Variants in UVRAG observed in about 807,000 individuals in gnomAD.
UVRAG encodes UV radiation resistance associated, also known as UV radiation resistance-associated gene protein.
In UVRAG, 19 loss-of-function variants were observed where a neutral mutation model predicts 78.0. The observed-to-expected ratio is 0.24, with a 90% CI of 0.17 to 0.36. UVRAG has a LOEUF of 0.36. Among genes scored for constraint, UVRAG ranks in the 10% least tolerant of loss-of-function variants. UVRAG has a pLI of 1.00. For synonymous variants in UVRAG, 323 were observed against 324.6 expected (o/e 1.00, Z 0.05); for missense variants, 740 against 853.8 (o/e 0.87, Z 1.66).
At chr11:75,960,229 A>G (rs562907188) in intron 6 of UVRAG, among the ~76,000 whole-genome samples, 1 of 143,476 alleles carries the variant, frequency 7.0e-6, no homozygotes, top group South Asian at 2.2e-4. Context: ...TCTTTTTTTT[A>G]AATATCTATG....
At position 75,851,955 on chromosome 11, in the gene UVRAG, A is replaced by G. The variant is rs1372109822; in HGVS notation, c.190A>G (p.Thr64Ala). ...VNRNGHQLLD[T>A]YFTLHLCSTE... ...TAGAAATGGCCATCAGCTCCTTGAT[A>G]CCTACTTTACACTTCACTTGTGTAG... Residue 64 changes from threonine to alanine, a missense_variant, in exon 2 of 15, where the codon ACC becomes GCC. Coordinates refer to ENST00000356136, the MANE Select transcript of UVRAG (RefSeq NM_003369.4). 2 of 1,614,052 alleles carry G rather than the reference A, an allele frequency of 1.2e-6. No homozygotes were observed. The highest frequency in any genetic ancestry group is 1.7e-5 in the Admixed American group (1 of 60,016).
chr11:76,115,895 T>C (rs369198320), intron 13 of UVRAG, 29 bp from the exon 14 acceptor site: 53 of 1,605,936 alleles, frequency 3.3e-5, no homozygotes, highest in Middle Eastern at 1.7e-4. Flanking sequence ...TGCCAAAATA[T>C]CTTTAATTCT....
At chr11:75,891,002 C>T (rs1443422581) in intron 5 of UVRAG, among the ~76,000 whole-genome samples, 1 of 151,812 alleles carries the variant, frequency 6.6e-6, no homozygotes, top group East Asian at 1.9e-4. Context: ...AATAGGAGGA[C>T]CAAAAATTGC....
intron 13 of UVRAG, among the ~76,000 whole-genome samples, chr11:76,096,744 C>T (rs150057220): frequency 6.6e-6 from 1 of 152,152 alleles, no homozygotes; most frequent in African/African-American, 2.4e-5. Context: ...TCAGATTTTG[C>T]CACCAGAGCC....
intron 12 of UVRAG, among the ~76,000 whole-genome samples, chr11:76,064,129 G>A (rs1335787476): frequency 2.0e-5 from 3 of 152,186 alleles, no homozygotes; most frequent in Non-Finnish European, 4.4e-5. Context: ...TAGGAATGTT[G>A]AAGCTTGGTT....
chr11:76,124,420 C>T (rs1952347664), intron 14 of UVRAG, among the ~76,000 whole-genome samples: 1 of 152,146 alleles, frequency 6.6e-6, no homozygotes, highest in Non-Finnish European at 1.5e-5. Flanking sequence ...ATACATTGTT[C>T]ACTCTCGCTG....
At chr11:76,055,369 A>G (rs1950961339) in intron 12 of UVRAG, among the ~76,000 whole-genome samples, 1 of 152,164 alleles carries the variant, frequency 6.6e-6, no homozygotes, top group Non-Finnish European at 1.5e-5. Flanking sequence ...ATTATTTACT[A>G]TTAGCTAAAC....
chr11:76,085,824 T>G (rs1591219879), intron 13 of UVRAG, among the ~76,000 whole-genome samples: 1 of 152,196 alleles, frequency 6.6e-6, no homozygotes, highest in Non-Finnish European at 1.5e-5. Flanking sequence ...GTAAGCAGGT[T>G]TGTCATTGTC....
chr11:76,033,417 T>C (rs1174109388), intron 12 of UVRAG, among the ~76,000 whole-genome samples: 2 of 152,142 alleles, frequency 1.3e-5, no homozygotes, highest in Admixed American at 6.5e-5. Flanking sequence ...ATTTATCTTA[T>C]ATTATTCCAG....
chr11:76,033,192 C>G (rs1041566248), intron 12 of UVRAG, among the ~76,000 whole-genome samples: 1 of 152,132 alleles, frequency 6.6e-6, no homozygotes, highest in East Asian at 1.9e-4. Flanking sequence ...TCTGAAAGAA[C>G]TTTGGCATCA....
chr11:76,017,126 GTTA>G (rs1340411325), intron 12 of UVRAG, 146 bp downstream of exon 12: 2 of 539,762 alleles, frequency 3.7e-6, no homozygotes, highest in East Asian at 3.4e-5. Context: ...ATCAAATGTA[GTTA>G]TTATGTGAAA....
chr11:75,983,508 A>G lies in UVRAG; in HGVS notation c.821A>G (p.Asp274Gly). Residue 274 changes from aspartate (D) to glycine (G), a missense_variant, in exon 8 of 15, where the codon GAC becomes GGC. By Grantham distance (94) the Asp-to-Gly change is moderately conservative. Transcript: ENST00000356136. ...CATAAGCAACAAATTGCATTACAAG[A>G]CAAAGGTGAGTGGAAATACCATACA... ...LLHKQQIALQ[D>G]KGSAFSAEHL... 1 of 1,596,930 alleles carries G rather than the reference A, an allele frequency of 6.3e-7. No individual in the cohort carries two copies. The highest frequency in any genetic ancestry group is 1.1e-5 in the South Asian group (1 of 87,662).
At position 76,065,713 on chromosome 11, in the gene UVRAG, T is replaced by G; in HGVS notation, c.1230T>G (p.Phe410Leu). The G allele has an allele frequency of 6.2e-7, 1 of 1,613,810 alleles. No individual in the cohort carries two copies. The highest frequency in any genetic ancestry group is 8.5e-7 in the Non-Finnish European group (1 of 1,179,920). The change falls in exon 13 of 15, where the codon TTT becomes TTG. Residue 410 changes from phenylalanine to leucine, a missense_variant. Transcript: ENST00000356136. ...NDKLTEKERE[F>L]PLYPKGGEKL... ...GATCCTTTTTTACCTTTCTTAGGTT[T>G]CCACTGTATCCAAAAGGAGGGGAGA...
chr11:76,021,986 G>A (rs916099838), intron 12 of UVRAG, among the ~76,000 whole-genome samples: 20 of 152,204 alleles, frequency 1.3e-4, no homozygotes, highest in Middle Eastern at 6.8e-3. Context: ...CCCAGGAGGC[G>A]AAGGCTGCAG....
At chr11:75,846,135 GA>G (rs1221451701) in intron 1 of UVRAG, among the ~76,000 whole-genome samples, 1 of 152,158 alleles carries the variant, frequency 6.6e-6, no homozygotes, top group Non-Finnish European at 1.5e-5. Flanking sequence ...TCAAAGCATT[GA>G]TATTTATGCT....
intron 13 of UVRAG, among the ~76,000 whole-genome samples, chr11:76,076,692 A>AT (rs1181974670): frequency 6.6e-6 from 1 of 152,062 alleles, no homozygotes; most frequent in African/African-American, 2.4e-5. Context: ...ATTTTTTCTA[A>AT]TGGCTAATGA....
intron 3 of UVRAG, among the ~76,000 whole-genome samples, chr11:75,863,476 A>G (rs559457296): frequency 2.3e-4 from 35 of 152,300 alleles, no homozygotes; most frequent in Middle Eastern, 3.4e-3. Context: ...GATTTGTGTT[A>G]TAATAGACCC....
chr11:75,851,600 A>T (rs770943283), intron 1 of UVRAG, among the ~76,000 whole-genome samples: 3 of 152,238 alleles, frequency 2.0e-5, no homozygotes, highest in Non-Finnish European at 4.4e-5. Flanking sequence ...TAATGCTATT[A>T]TGCGGGTATA....
chr11:76,122,085 G>A (rs192187635), intron 14 of UVRAG, among the ~76,000 whole-genome samples: 237 of 152,260 alleles, frequency 1.6e-3, no homozygotes, highest in African/African-American at 5.1e-3. Context: ...TGTTCAAGGA[G>A]CTTACAGTCT....
Sources: allele counts gnomAD v4.1 joint callset (sites outside exome capture counted in the v4.1 genomes callset), GRCh38; gene constraint gnomAD v4.1.1; transcripts MANE v1.5; gene names NCBI Gene and HGNC (gene_info 2026-07-23, HGNC 2026-07-21).